The following IPO5 variants were observed in gnomAD, a reference collection of about 807,000 sequenced individuals.
IPO5 encodes the protein importin 5, also known as importin-5.
Under a neutral mutation model 143.3 loss-of-function variants are expected in IPO5, and 18 were observed. The observed-to-expected ratio is 0.13, with a 90% CI of 0.09 to 0.19. The LOEUF is 0.19. IPO5 is among the 10% of genes least tolerant of loss of function. The pLI is 1.00. For missense variants in IPO5, 1,013 were observed against 1,336.9 expected, an observed-to-expected ratio of 0.76 and a Z score of 3.78; for synonymous variants, 477 against 465.7, an observed-to-expected ratio of 1.02 and a Z score of -0.31.
At chr13:97,955,229 GAA>G (rs113662514) in intron 2 of IPO5, among the ~76,000 whole-genome samples, 1 of 137,254 alleles carries the variant, frequency 7.3e-6, no homozygotes, top group African/African-American at 2.6e-5. Context: ...ACCCTATCAC[GAA>G]AAAAAAAAAA....
chr13:98,013,039 G>A (rs1180679897), intron 21 of IPO5, among the ~76,000 whole-genome samples: 6 of 151,850 alleles, frequency 4.0e-5, no homozygotes, highest in South Asian at 2.1e-4. Context: ...GCACCTTTGC[G>A]GGGAAACATC....
At chr13:97,958,634 A>G (rs1594001588) in intron 2 of IPO5, among the ~76,000 whole-genome samples, 1 of 151,276 alleles carries the variant, frequency 6.6e-6, no homozygotes, top group Non-Finnish European at 1.5e-5. Flanking sequence ...CGGCCTCTGC[A>G]CCCTCTGTCC....
At position 98,019,922 on chromosome 13, in the gene IPO5, G is replaced by A. The variant is rs1472669004; in HGVS notation, c.3065+113G>A. 4 of 661,842 alleles carry A rather than the reference G, an allele frequency of 6.0e-6. No individual in the cohort carries two copies. In the Admixed American group the frequency reaches 1.0e-4, roughly 17 times the overall value. 41.0% of individuals were successfully genotyped at this position (661,842 alleles called of 1,614,324 possible). ...CCACATGATCTCTGCACAGTCCTCAGTTGTATAGGTTTATAATAGTGCTGT... is the reference window on the plus strand; with the variant it reads ...CCACATGATCTCTGCACAGTCCTCAATTGTATAGGTTTATAATAGTGCTGT... On this transcript the variant is annotated intron_variant, in intron 27 of 28. Coordinates refer to ENST00000651721, the MANE Select transcript of IPO5 (RefSeq NM_002271.6).
intron 3 of IPO5, among the ~76,000 whole-genome samples, chr13:97,976,279 T>TCGACCTCGACCTCAACCC (rs1236661123): frequency 1.3e-5 from 2 of 149,010 alleles, no homozygotes; most frequent in Admixed American, 6.6e-5. Context: ...AGCCCAGGCC[T>TCGACCTCGACCTCAACCC]CGACCTCGAC....
intron 6 of IPO5, among the ~76,000 whole-genome samples, chr13:97,986,712 TA>T (rs1181276215): frequency 3.3e-5 from 5 of 152,126 alleles, no homozygotes; most frequent in Non-Finnish European, 5.9e-5. Flanking sequence ...GCAAACATCA[TA>T]AAAAAATGCA....
intron 11 of IPO5, among the ~76,000 whole-genome samples, 193 bp from the exon 12 acceptor site, chr13:97,997,338 T>C (rs1269856855): frequency 1.3e-5 from 2 of 151,878 alleles, no homozygotes; most frequent in Non-Finnish European, 2.9e-5. Flanking sequence ...TGAATGTTGC[T>C]TTTTAAAGAA....
chr13:97,999,036 G>C (rs528672099), intron 12 of IPO5, among the ~76,000 whole-genome samples: 2 of 152,030 alleles, frequency 1.3e-5, no homozygotes, highest in Admixed American at 6.6e-5. Flanking sequence ...CCAGCTACTC[G>C]GGAAGCTAAG....
At chr13:98,003,151 A>T in intron 16 of IPO5, 114 bp downstream of exon 16, 1 of 826,092 alleles carries the variant, frequency 1.2e-6, no homozygotes. Context: ...AATATAAAGT[A>T]CAAAAACTGA....
intron 21 of IPO5, among the ~76,000 whole-genome samples, 187 bp from the exon 22 acceptor site, chr13:98,013,855 A>G (rs560268911): frequency 2.0e-5 from 3 of 152,254 alleles, no homozygotes; most frequent in East Asian, 3.9e-4. Flanking sequence ...CATTCCTGCC[A>G]CTATTACAGG....
chr13:97,985,278 C>G (rs1887232123), intron 5 of IPO5, 143 bp from the exon 6 acceptor site: 1 of 638,282 alleles, frequency 1.6e-6, no homozygotes, highest in Non-Finnish European at 2.7e-6. Flanking sequence ...CAAAATAAGT[C>G]TGTATAATAG....
chr13:98,016,669 T>C, intron 24 of IPO5, 60 bp from the exon 25 acceptor site: 2 of 898,890 alleles, frequency 2.2e-6, no homozygotes, highest in Non-Finnish European at 3.2e-6. Flanking sequence ...AATGTTACTA[T>C]TGATAATAGA....
chr13:97,981,866 G>A (rs966158679), intron 4 of IPO5, among the ~76,000 whole-genome samples: 1 of 152,126 alleles, frequency 6.6e-6, no homozygotes, highest in Non-Finnish European at 1.5e-5. Context: ...TACATTATTA[G>A]CAGAGGATAG....
chr13:97,988,449 T>C (rs1887556116), intron 6 of IPO5, among the ~76,000 whole-genome samples: 1 of 152,198 alleles, frequency 6.6e-6, no homozygotes, highest in Admixed American at 6.5e-5. Flanking sequence ...CAGATATTTG[T>C]ACAGTTAAAA....
chr13:98,006,086 C>A (rs761926608), intron 16 of IPO5, 44 bp from the exon 17 acceptor site: 18 of 1,322,188 alleles, frequency 1.4e-5, no homozygotes, highest in Non-Finnish European at 1.7e-5. Context: ...TTAAATACTT[C>A]TTCCAGTTTT....
At chr13:97,963,664 G>A (rs534640118) in intron 2 of IPO5, among the ~76,000 whole-genome samples, 3 of 151,962 alleles carry the variant, frequency 2.0e-5, no homozygotes, top group East Asian at 1.9e-4. Flanking sequence ...CACTGCACCC[G>A]GCCATTATTA....
At chr13:97,963,820 A>G (rs1177600138) in intron 2 of IPO5, among the ~76,000 whole-genome samples, 4 of 152,194 alleles carry the variant, frequency 2.6e-5, no homozygotes, top group African/African-American at 9.7e-5. Context: ...CCAACAGTGT[A>G]AAAGCATTCC....
Position 97,969,782 on chromosome 13 carries a change from T to G in IPO5, c.-53T>G. Reference sequence around the variant, plus strand: ...GAAAGTACTGCAGCATGTCTTCAAATGCCTGAGGATCAAGTTGGAAAACTA... The same window carrying G: ...GAAAGTACTGCAGCATGTCTTCAAAGGCCTGAGGATCAAGTTGGAAAACTA... On this transcript the variant is annotated 5_prime_UTR_variant, in exon 3 of 29. The change abolishes an upstream ATG in the 5' untranslated region. Transcript: ENST00000651721. The G allele has an allele frequency of 6.2e-7, 1 of 1,612,288 alleles. No homozygotes were observed. Among genetic ancestry groups the G allele is most frequent in the Non-Finnish European group, 8.5e-7 (1 of 1,178,658 alleles).
chr13:97,969,302 C>T (rs1168887680), intron 2 of IPO5, among the ~76,000 whole-genome samples: 3 of 149,878 alleles, frequency 2.0e-5, no homozygotes, highest in Non-Finnish European at 4.4e-5. Flanking sequence ...CTGCTTCAGC[C>T]TCCCGAGTAG....
At chr13:98,017,461 G>A (rs1261156271) in intron 25 of IPO5, among the ~76,000 whole-genome samples, 1 of 151,726 alleles carries the variant, frequency 6.6e-6, no homozygotes, top group Admixed American at 6.6e-5. Flanking sequence ...CACCACACCC[G>A]ACGAATTTTT....
Sources: gnomAD v4.1 joint callset for allele counts (sites outside exome capture counted in the v4.1 genomes callset) on GRCh38, gnomAD v4.1.1 for gene constraint, MANE v1.5 for transcripts, NCBI Gene and HGNC (gene_info 2026-07-23, HGNC 2026-07-21) for gene names.